The following PATJ variants were observed in gnomAD, a reference collection of about 807,000 sequenced individuals.
PATJ encodes the protein PATJ crumbs cell polarity complex component, also known as inaD-like protein.
PATJ carries 190 observed loss-of-function variants against 224.9 expected under a neutral mutation model. The ratio of observed to expected loss-of-function variants is 0.84; its 90% CI spans 0.75 to 0.95. The LOEUF is 0.95. Among genes scored for constraint, PATJ ranks in the 40% least tolerant of loss-of-function variants. The pLI, the probability that PATJ is intolerant of heterozygous loss-of-function variation, is 0.00. For missense variants in PATJ, 2,121 were observed against 2,270.3 expected (o/e 0.93, Z 1.34); for synonymous variants, 769 against 820.3 (o/e 0.94, Z 1.07).
chr1:62,037,498 C>A (rs1165122262), intron 29 of PATJ, among the ~76,000 whole-genome samples: 2 of 152,106 alleles, frequency 1.3e-5, no homozygotes, highest in Non-Finnish European at 2.9e-5. Flanking sequence ...ACCTTGCAGC[C>A]CTATTGTAGA....
rs544505929 is a variant in PATJ at position 62,127,905 on chromosome 1, A to G, written c.5044-67A>G. On this transcript the variant is annotated intron_variant, in intron 39 of 43. Transcript: ENST00000642238. ...AGGGATTTTGTTCCAACAGCTATCT[A>G]TCTAGGGATAGTCAGTTTGTGGCTC... 490 of 1,555,684 alleles carry G rather than the reference A, an allele frequency of 3.1e-4. 7 individuals are homozygous for G. In the South Asian group the frequency reaches 5.1e-3, roughly 16 times the overall value.
At chr1:62,019,353 C>T (rs1270422965) in intron 29 of PATJ, among the ~76,000 whole-genome samples, 1 of 151,472 alleles carries the variant, frequency 6.6e-6, no homozygotes, top group East Asian at 1.9e-4. Context: ...ATGGTGAAAC[C>T]CTGTCTCTAC....
In PATJ at chr1:61,997,982, T is replaced by TTTTATATATATATATATATATA. The variant is rs374175697; in HGVS notation, c.3867+7619_3867+7620insTTATATATATATATATATATAT. On this transcript the variant is annotated intron_variant, in intron 28 of 43. Coordinates refer to ENST00000642238, the MANE Select transcript of PATJ (RefSeq NM_001350145.3). ...ATAGGTGCATGCCACTGTGCCCAGC[T>TTTTATATATATATATATATATA]TATATATGTATATATAATATATTAT... 2.5e-4 allele frequency among the ~76,000 whole-genome samples: 30 copies of TTTTATATATATATATATATATA among 118,300 alleles called. 3 individuals are homozygous for TTTTATATATATATATATATATA. The highest frequency in any genetic ancestry group is 1.1e-3 in the African/African-American group (27 of 25,476). 77.6% of individuals were successfully genotyped at this position (118,300 alleles called of 152,430 possible). A position where few individuals can be genotyped will look rare whatever the true frequency, so the allele number is the denominator to read the frequency against.
intron 1 of PATJ, among the ~76,000 whole-genome samples, chr1:61,754,655 C>T (rs1341029425): frequency 6.6e-6 from 1 of 151,494 alleles, no homozygotes; most frequent in African/African-American, 2.4e-5. Flanking sequence ...AGCCAACGTG[C>T]CTGGCCTTAT....
chr1:61,887,200 G>A (rs935330946), intron 22 of PATJ, among the ~76,000 whole-genome samples: 1 of 152,230 alleles, frequency 6.6e-6, no homozygotes, highest in Admixed American at 6.5e-5. Flanking sequence ...TGTGGAGATG[G>A]TGGAGGGAGG....
chr1:62,159,775 C>T (rs115490986), intron 43 of PATJ, among the ~76,000 whole-genome samples: 2,512 of 150,442 alleles, frequency 0.017, 61 homozygotes, highest in African/African-American at 0.058. Context: ...AACTCCTGAG[C>T]TCAAGCAATC....
intron 27 of PATJ, among the ~76,000 whole-genome samples, chr1:61,962,455 T>G (rs1186347896): frequency 2.2e-4 from 33 of 152,212 alleles, no homozygotes; most frequent in Non-Finnish European, 4.6e-4. Flanking sequence ...TAGTTTTCAG[T>G]TATTTTTACA....
chr1:62,095,333 C>G (rs1487942697), intron 33 of PATJ, among the ~76,000 whole-genome samples: 1 of 152,138 alleles, frequency 6.6e-6, no homozygotes, highest in East Asian at 1.9e-4. Flanking sequence ...TCTTTTGCTT[C>G]TCATGAATCA....
intron 28 of PATJ, among the ~76,000 whole-genome samples, chr1:62,004,377 A>G (rs1483920231): frequency 2.0e-5 from 3 of 152,160 alleles, no homozygotes; most frequent in Non-Finnish European, 4.4e-5. Flanking sequence ...CAACATACCT[A>G]TTATACTTTT....
At chr1:61,760,774 G>A (rs146990475) in intron 1 of PATJ, among the ~76,000 whole-genome samples, 1,874 of 151,340 alleles carry the variant, frequency 0.012, 15 homozygotes, top group Non-Finnish European at 0.017. Flanking sequence ...GTGCCACCAC[G>A]CCTAATTTTT....
At chr1:61,902,373 C>T (rs1362053270) in intron 24 of PATJ, among the ~76,000 whole-genome samples, 1 of 151,844 alleles carries the variant, frequency 6.6e-6, no homozygotes, top group Non-Finnish European at 1.5e-5. Flanking sequence ...CTTTATGATG[C>T]TAACTGTTAA....
intron 29 of PATJ, among the ~76,000 whole-genome samples, chr1:62,023,193 G>A (rs1488445830): frequency 6.6e-6 from 1 of 151,880 alleles, no homozygotes; most frequent in African/African-American, 2.4e-5. Context: ...GGGAGGCTGA[G>A]GCAGGAGAAT....
intron 26 of PATJ, among the ~76,000 whole-genome samples, chr1:61,922,694 G>A (rs573412625): frequency 1.3e-5 from 2 of 152,264 alleles, no homozygotes; most frequent in East Asian, 3.9e-4. Flanking sequence ...TGTCATTTTT[G>A]TGTGGTTAAG....
At chr1:62,014,562 C>CT (rs35711547) in intron 28 of PATJ, among the ~76,000 whole-genome samples, 19,549 of 84,622 alleles carry the variant, frequency 0.23, 2,890 homozygotes, top group East Asian at 0.44. Flanking sequence ...CTTTTCTTTC[C>CT]TTTTTTTTTT....
chr1:62,092,669 G>T (rs1474876479), intron 33 of PATJ, among the ~76,000 whole-genome samples: 1 of 152,008 alleles, frequency 6.6e-6, no homozygotes, highest in Non-Finnish European at 1.5e-5. Context: ...ACCTGGCTCA[G>T]CTTCCCAAAG....
intron 28 of PATJ, among the ~76,000 whole-genome samples, chr1:61,999,561 G>C (rs1252209836): frequency 6.6e-6 from 1 of 151,840 alleles, no homozygotes; most frequent in Non-Finnish European, 1.5e-5. Context: ...TCAGCTACTC[G>C]GGGGGCTGAG....
chr1:62,129,381 T>C (rs1270141108), intron 41 of PATJ, among the ~76,000 whole-genome samples: 1 of 152,226 alleles, frequency 6.6e-6, no homozygotes, highest in Non-Finnish European at 1.5e-5. Flanking sequence ...CACTGTTAAA[T>C]TGTCACGCGT....
chr1:62,159,211 G>C (rs1669601544), intron 43 of PATJ, among the ~76,000 whole-genome samples: 1 of 151,718 alleles, frequency 6.6e-6, no homozygotes, highest in South Asian at 2.1e-4. Context: ...GTTTATTTTT[G>C]AGACAGAGTT....
chr1:61,789,887 T>C (rs1649419254), intron 8 of PATJ, among the ~76,000 whole-genome samples: 1 of 152,216 alleles, frequency 6.6e-6, no homozygotes, highest in African/African-American at 2.4e-5. Context: ...TGGAGCCTTC[T>C]ACTTTGTAGT....
Sources: gnomAD v4.1 joint callset for allele counts (sites outside exome capture counted in the v4.1 genomes callset) on GRCh38, gnomAD v4.1.1 for gene constraint, MANE v1.5 for transcripts, NCBI Gene and HGNC (gene_info 2026-07-23, HGNC 2026-07-21) for gene names.